The following PDE4B variants were observed in gnomAD, a reference collection of about 807,000 sequenced individuals.
The protein encoded by PDE4B is 3',5'-cyclic-AMP phosphodiesterase 4B.
PDE4B carries 20 observed loss-of-function variants against 82.2 expected under a neutral mutation model. The ratio of observed to expected loss-of-function variants is 0.24; its 90% CI spans 0.17 to 0.35. The LOEUF is 0.35. Ranked by LOEUF, PDE4B falls within the 10% of genes least tolerant of loss-of-function variation. The probability of loss-of-function intolerance (pLI) is 1.00; values close to 1 mark genes in which losing one functional copy is unlikely to be tolerated. For synonymous variants in PDE4B, 320 were observed against 318.9 expected, an observed-to-expected ratio of 1.00 and a Z score of -0.04; for missense variants, 655 against 907.2, an observed-to-expected ratio of 0.72 and a Z score of 3.57.
intron 3 of PDE4B, among the ~76,000 whole-genome samples, chr1:66,047,991 G>C (rs7530150): frequency 6.6e-6 from 1 of 151,830 alleles, no homozygotes; most frequent in Admixed American, 6.6e-5. Flanking sequence ...ATGCATACAC[G>C]TTCTTTCTTT....
At chr1:66,264,295 T>A (rs1654883696) in intron 6 of PDE4B, among the ~76,000 whole-genome samples, 1 of 152,174 alleles carries the variant, frequency 6.6e-6, no homozygotes, top group African/African-American at 2.4e-5. Context: ...AATCTCTTAA[T>A]TTTCCTGAAA....
At chr1:65,924,408 A>T (rs1647392057) in intron 3 of PDE4B, among the ~76,000 whole-genome samples, 1 of 151,840 alleles carries the variant, frequency 6.6e-6, no homozygotes, top group African/African-American at 2.4e-5. Context: ...CTCATTTGTT[A>T]TTAAACCTAT....
At chr1:66,222,312 G>C (rs931591724) in intron 3 of PDE4B, among the ~76,000 whole-genome samples, 1 of 152,188 alleles carries the variant, frequency 6.6e-6, no homozygotes, top group Non-Finnish European at 1.5e-5. Context: ...ACTAGTTCAA[G>C]GGTAAATGTA....
intron 6 of PDE4B, among the ~76,000 whole-genome samples, chr1:66,260,769 T>C (rs1654623110): frequency 6.6e-6 from 1 of 152,100 alleles, no homozygotes; most frequent in African/African-American, 2.4e-5. Context: ...CCCTTGAGGG[T>C]TTTGGTCCTT....
intron 1 of PDE4B, among the ~76,000 whole-genome samples, chr1:65,905,585 G>T (rs1230267080): frequency 1.3e-5 from 2 of 152,132 alleles, no homozygotes; most frequent in Non-Finnish European, 2.9e-5. Flanking sequence ...ATGCAAAGCT[G>T]GGGATTAATA....
chr1:66,090,675 G>A (rs12023059), intron 3 of PDE4B, among the ~76,000 whole-genome samples: 1 of 5,338 alleles, frequency 1.9e-4, no homozygotes, highest in East Asian at 7.2e-3. Context: ...ATATGTGTAT[G>A]TGTATATGTA....
chr1:65,852,095 TG>T (rs1225538971), intron 1 of PDE4B, among the ~76,000 whole-genome samples: 1 of 152,006 alleles, frequency 6.6e-6, no homozygotes, highest in Non-Finnish European at 1.5e-5. Flanking sequence ...ATCCCTTTTT[TG>T]TTTAGTGCTG....
chr1:65,837,494 G>C (rs1646153464), intron 1 of PDE4B, among the ~76,000 whole-genome samples: 1 of 152,206 alleles, frequency 6.6e-6, no homozygotes, highest in Non-Finnish European at 1.5e-5. Flanking sequence ...TGTGATCCCA[G>C]CTACTTGGGA....
chr1:66,023,087 C>T (rs1462516894), intron 3 of PDE4B, among the ~76,000 whole-genome samples: 6 of 152,054 alleles, frequency 3.9e-5, no homozygotes, highest in Admixed American at 1.3e-4. Context: ...TCTGTTGGTA[C>T]CTTGGAGAGC....
At chr1:65,846,902 C>G (rs1372338728) in intron 1 of PDE4B, among the ~76,000 whole-genome samples, 1 of 152,092 alleles carries the variant, frequency 6.6e-6, no homozygotes, top group Non-Finnish European at 1.5e-5. Flanking sequence ...CTTAGAGTTA[C>G]AGGGAAAAAC....
chr1:66,236,748 T>C (rs759817306), intron 3 of PDE4B, among the ~76,000 whole-genome samples: 18 of 151,950 alleles, frequency 1.2e-4, no homozygotes, highest in Non-Finnish European at 2.4e-4. Context: ...GACAGAGGAG[T>C]TGGCTTCTGA....
chr1:65,899,489 A>G (rs2100415966), intron 1 of PDE4B, among the ~76,000 whole-genome samples: 1 of 152,062 alleles, frequency 6.6e-6, no homozygotes, highest in South Asian at 2.1e-4. Flanking sequence ...CCAGAGGAAA[A>G]TAAGTCATTA....
At chr1:66,007,041 G>C (rs1012776395) in intron 3 of PDE4B, among the ~76,000 whole-genome samples, 7 of 152,110 alleles carry the variant, frequency 4.6e-5, no homozygotes, top group Admixed American at 2.0e-4. Flanking sequence ...GCTGAGGTGG[G>C]AAGATCCTTG....
intron 8 of PDE4B, among the ~76,000 whole-genome samples, chr1:66,337,802 TCA>T (rs1453286709): frequency 6.6e-6 from 1 of 152,206 alleles, no homozygotes; most frequent in Non-Finnish European, 1.5e-5. Flanking sequence ...AGGTGGGCAC[TCA>T]CACATTTTTT....
At chr1:65,962,415 C>T (rs1649588846) in intron 3 of PDE4B, among the ~76,000 whole-genome samples, 1 of 152,078 alleles carries the variant, frequency 6.6e-6, no homozygotes, top group African/African-American at 2.4e-5. Flanking sequence ...GAACTCTGAC[C>T]CACAGGTAGC....
chr1:66,314,560 C>G (rs1658889841), intron 7 of PDE4B, among the ~76,000 whole-genome samples: 1 of 152,040 alleles, frequency 6.6e-6, no homozygotes, highest in South Asian at 2.1e-4. Context: ...TTACAGGAAC[C>G]CACCACTATG....
At chr1:66,254,560 G>T (rs1001062847) in intron 4 of PDE4B, among the ~76,000 whole-genome samples, 4 of 152,006 alleles carry the variant, frequency 2.6e-5, no homozygotes, top group African/African-American at 9.7e-5. Flanking sequence ...CCATATCTCA[G>T]TCTTCCTGCT....
chr1:66,117,033 T>C (rs1375100316), intron 3 of PDE4B, among the ~76,000 whole-genome samples: 1 of 152,192 alleles, frequency 6.6e-6, no homozygotes, highest in African/African-American at 2.4e-5. Context: ...CTCTTGATCA[T>C]TGTGTATTGA....
chr1:65,978,511 A>T (rs1338451456), intron 3 of PDE4B, among the ~76,000 whole-genome samples: 1 of 148,028 alleles, frequency 6.8e-6, no homozygotes, highest in African/African-American at 2.5e-5. Flanking sequence ...CTTATAAATA[A>T]TTCACTCACT....
Sources: allele counts gnomAD v4.1 joint callset (sites outside exome capture counted in the v4.1 genomes callset), GRCh38; gene constraint gnomAD v4.1.1; transcripts MANE v1.5; gene names NCBI Gene and HGNC (gene_info 2026-07-23, HGNC 2026-07-21).